NEGR1: variants seen among roughly 807,000 people sequenced by gnomAD.
NEGR1 encodes IgLON family member 4.
In NEGR1, 10 loss-of-function variants were observed where a neutral mutation model predicts 40.9. The observed-to-expected ratio is 0.24, with a 90% CI of 0.15 to 0.42. NEGR1 has a LOEUF of 0.42. Among genes scored for constraint, NEGR1 ranks in the 10% least tolerant of loss-of-function variants. The pLI is 1.00. For missense variants in NEGR1, 352 were observed against 438.9 expected, an observed-to-expected ratio of 0.80 and a Z score of 1.77; for synonymous variants, 185 against 166.8, an observed-to-expected ratio of 1.11 and a Z score of -0.84.
chr1:72,199,852 A>G (rs1311451282), intron 1 of NEGR1, among the ~76,000 whole-genome samples: 8 of 151,966 alleles, frequency 5.3e-5, no homozygotes, highest in African/African-American at 9.7e-5. Flanking sequence ...CAACCCCATT[A>G]AAAAATGGGC....
chr1:71,558,967 G>T (rs1434763683), intron 6 of NEGR1, among the ~76,000 whole-genome samples: 2 of 147,766 alleles, frequency 1.4e-5, no homozygotes, highest in Non-Finnish European at 1.5e-5. Flanking sequence ...GTATACCAGT[G>T]CATGTATACA....
intron 1 of NEGR1, among the ~76,000 whole-genome samples, chr1:72,168,649 G>A (rs1651853161): frequency 1.3e-5 from 2 of 152,128 alleles, no homozygotes; most frequent in South Asian, 4.1e-4. Context: ...CAGCACTTTG[G>A]GAAGCCAAGG....
intron 1 of NEGR1, among the ~76,000 whole-genome samples, chr1:72,193,321 A>C (rs1469297317): frequency 2.0e-5 from 3 of 151,842 alleles, no homozygotes; most frequent in African/African-American, 7.2e-5. Context: ...AAAATCTATT[A>C]ATCAGTACTA....
At chr1:71,714,865 A>C (rs1279730759) in intron 3 of NEGR1, among the ~76,000 whole-genome samples, 1 of 152,180 alleles carries the variant, frequency 6.6e-6, no homozygotes, top group East Asian at 1.9e-4. Flanking sequence ...TGGTGGATCT[A>C]CCATTCTGGG....
intron 1 of NEGR1, among the ~76,000 whole-genome samples, chr1:72,066,125 T>G (rs2100502137): frequency 6.6e-6 from 1 of 151,258 alleles, no homozygotes; most frequent in African/African-American, 2.4e-5. Flanking sequence ...TTGCCAGGGG[T>G]TTTTCCAATA....
At chr1:71,977,139 A>G (rs1646312146) in intron 1 of NEGR1, among the ~76,000 whole-genome samples, 1 of 152,124 alleles carries the variant, frequency 6.6e-6, no homozygotes. Context: ...TCTGGCCAAC[A>G]TGGTGAAACC....
intron 1 of NEGR1, among the ~76,000 whole-genome samples, chr1:72,048,973 A>C (rs932470422): frequency 6.6e-6 from 1 of 151,514 alleles, no homozygotes; most frequent in Non-Finnish European, 1.5e-5. Flanking sequence ...AAAGTTATGC[A>C]TAGTTGTATT....
chr1:71,507,300 A>T (rs1272032455), intron 6 of NEGR1, among the ~76,000 whole-genome samples: 1 of 152,226 alleles, frequency 6.6e-6, no homozygotes, highest in East Asian at 1.9e-4. Context: ...AGGAAGAATT[A>T]GACAGGATAG....
At chr1:71,485,449 A>C (rs1646881828) in intron 6 of NEGR1, among the ~76,000 whole-genome samples, 1 of 151,542 alleles carries the variant, frequency 6.6e-6, no homozygotes, top group African/African-American at 2.4e-5. Context: ...ATTATCTCCC[A>C]GAGTCTCCAG....
intron 1 of NEGR1, among the ~76,000 whole-genome samples, chr1:72,028,631 C>A (rs551781878): frequency 6.6e-6 from 1 of 152,198 alleles, no homozygotes; most frequent in Non-Finnish European, 1.5e-5. Context: ...CTTGTACACA[C>A]TGATACCTTT....
At chr1:72,120,845 T>A (rs191740089) in intron 1 of NEGR1, among the ~76,000 whole-genome samples, 3 of 152,202 alleles carry the variant, frequency 2.0e-5, no homozygotes. Context: ...TTTTAGTGAA[T>A]GATATATCAT....
At chr1:72,063,885 CT>C in intron 1 of NEGR1, among the ~76,000 whole-genome samples, 1 of 151,812 alleles carries the variant, frequency 6.6e-6, no homozygotes, top group Non-Finnish European at 1.5e-5. Context: ...GAGAACCCCC[CT>C]GTAAGATGTA....
intron 1 of NEGR1, among the ~76,000 whole-genome samples, chr1:72,126,175 G>A (rs1252866013): frequency 2.0e-5 from 3 of 151,412 alleles, no homozygotes; most frequent in African/African-American, 4.9e-5. Flanking sequence ...GAGGGAGAGA[G>A]AACGCATTTT....
chr1:71,429,101 C>G (rs1569860019), intron 6 of NEGR1, among the ~76,000 whole-genome samples: 1 of 152,066 alleles, frequency 6.6e-6, no homozygotes, highest in African/African-American at 2.4e-5. Context: ...AAGGTTACAT[C>G]TTGATAACTT....
chr1:71,549,589 AC>A (rs1239280500), intron 6 of NEGR1, among the ~76,000 whole-genome samples: 3 of 151,762 alleles, frequency 2.0e-5, no homozygotes, highest in South Asian at 2.1e-4. Context: ...AAACTACGGC[AC>A]AGTGCAGTAA....
chr1:72,146,944 A>G (rs1650933154), intron 1 of NEGR1, among the ~76,000 whole-genome samples: 1 of 152,148 alleles, frequency 6.6e-6, no homozygotes, highest in African/African-American at 2.4e-5. Flanking sequence ...TTGATGTACA[A>G]TTGCTTTCAA....
chr1:71,960,279 A>G (rs1379972726), intron 1 of NEGR1, among the ~76,000 whole-genome samples: 1 of 152,130 alleles, frequency 6.6e-6, no homozygotes, highest in Admixed American at 6.5e-5. Flanking sequence ...ACCACTTTCT[A>G]TGGGGAAAAA....
chr1:71,620,126 A>G (rs1650564477), intron 4 of NEGR1, among the ~76,000 whole-genome samples: 1 of 152,086 alleles, frequency 6.6e-6, no homozygotes, highest in Non-Finnish European at 1.5e-5. Context: ...TGAACACGCC[A>G]TGTTAAATAA....
intron 2 of NEGR1, among the ~76,000 whole-genome samples, chr1:71,872,450 G>A (rs559591603): frequency 2.0e-5 from 3 of 152,248 alleles, no homozygotes; most frequent in Non-Finnish European, 4.4e-5. Context: ...TATGGGCAAG[G>A]AAGTGTTGTG....
Sources: gnomAD v4.1 joint callset for allele counts (sites outside exome capture counted in the v4.1 genomes callset) on GRCh38, gnomAD v4.1.1 for gene constraint, MANE v1.5 for transcripts, NCBI Gene and HGNC (gene_info 2026-07-23, HGNC 2026-07-21) for gene names.